DPYSL3: variants seen among roughly 807,000 people sequenced by gnomAD.
DPYSL3 encodes dihydropyrimidinase-related protein 3.
In DPYSL3, 16 loss-of-function variants were observed where a neutral mutation model predicts 66.1. That is an observed-to-expected ratio of 0.24 (90% CI 0.16 to 0.37). DPYSL3 has a LOEUF of 0.37. Among genes scored for constraint, DPYSL3 ranks in the 10% least tolerant of loss-of-function variants. DPYSL3 has a pLI of 1.00. For missense variants in DPYSL3, 738 were observed against 916.2 expected (o/e 0.81, Z 2.51); for synonymous variants, 338 against 345.1 (o/e 0.98, Z 0.23).
At chr5:147,453,752 C>G in intron 1 of DPYSL3, 1 of 1,317,086 alleles carries the variant, frequency 7.6e-7, no homozygotes, top group Non-Finnish European at 9.7e-7. Flanking sequence ...GCTCCCGCGG[C>G]GGCTGCCAGA....
intron 1 of DPYSL3, among the ~76,000 whole-genome samples, chr5:147,493,449 T>G (rs1036359838): frequency 1.3e-5 from 2 of 152,108 alleles, no homozygotes; most frequent in African/African-American, 4.8e-5. Context: ...GGTGCACACG[T>G]GTGGTCCCAT....
At chr5:147,474,504 T>C (rs757090819) in intron 1 of DPYSL3, among the ~76,000 whole-genome samples, 4 of 152,214 alleles carry the variant, frequency 2.6e-5, no homozygotes, top group Non-Finnish European at 2.9e-5. Flanking sequence ...AATGACAAGC[T>C]AATTAGTGAA....
chr5:147,424,618 G>T (rs1752160176), intron 2 of DPYSL3, among the ~76,000 whole-genome samples: 1 of 152,096 alleles, frequency 6.6e-6, no homozygotes, highest in Non-Finnish European at 1.5e-5. Context: ...ATTGCACAAA[G>T]CCTTATATTT....
intron 1 of DPYSL3, among the ~76,000 whole-genome samples, chr5:147,444,518 T>A (rs1362503795): frequency 6.6e-6 from 1 of 152,230 alleles, no homozygotes; most frequent in African/African-American, 2.4e-5. Context: ...GACACTCTTA[T>A]AACACACATA....
chr5:147,488,881 G>T (rs1753374370), intron 1 of DPYSL3, among the ~76,000 whole-genome samples: 1 of 151,938 alleles, frequency 6.6e-6, no homozygotes, highest in African/African-American at 2.4e-5. Flanking sequence ...CAGGTGTGGT[G>T]GTAGGCACCG....
At position 147,461,815 on chromosome 5, in the gene DPYSL3, C is replaced by T. The variant is rs1232985202; in HGVS notation, c.382-36852G>A. On this transcript the variant is annotated intron_variant, in intron 1 of 13. Transcript: ENST00000343218. ...ACCTAGCAGTCATTTTCACAGACTA[C>T]CATTTATTAATTGGAATAGACAAAT... is the stretch of plus-strand genomic sequence containing the variant. 2.0e-5 allele frequency among the ~76,000 whole-genome samples: 3 copies of T among 152,210 alleles called. No individual in the cohort carries two copies. The East Asian group carries it at 5.8e-4, about 29-fold the overall frequency.
At chr5:147,489,733 G>GA (rs1322857974) in intron 1 of DPYSL3, among the ~76,000 whole-genome samples, 3 of 143,066 alleles carry the variant, frequency 2.1e-5, no homozygotes, top group Non-Finnish European at 4.6e-5. Context: ...TTCCTTTTAT[G>GA]TTTTTTTTTT....
intron 2 of DPYSL3, 75 bp downstream of exon 2, chr5:147,424,799 TA>T: frequency 8.7e-7 from 1 of 1,149,980 alleles, no homozygotes; most frequent in Non-Finnish European, 1.3e-6. Flanking sequence ...TACATTCATG[TA>T]ATCCAACCTC....
At chr5:147,412,808 G>T in intron 5 of DPYSL3, 120 bp from the exon 6 acceptor site, 1 of 837,326 alleles carries the variant, frequency 1.2e-6, no homozygotes, top group South Asian at 1.5e-5. Context: ...AAGTCACTAG[G>T]GCAGAAATAT....
At chr5:147,413,773 T>G in intron 4 of DPYSL3, 116 bp from the exon 5 acceptor site, 1 of 795,928 alleles carries the variant, frequency 1.3e-6, no homozygotes, top group Non-Finnish European at 2.1e-6. Flanking sequence ...CCCGGGCTCC[T>G]GTCCAACATA....
rs372489046 is a variant in DPYSL3, at chr5:147,418,645, C to A, written c.471-14G>T. 1.5e-5 allele frequency: 24 copies of A among 1,553,154 alleles called. No individual in the cohort carries two copies. The Admixed American group carries it at 1.9e-4, about 12-fold the overall frequency. ...TCTCCAATTTGTCTGGTGAAACAAA[C>A]AAACAAAAAAATGATCAAACACTTG... is the stretch of plus-strand genomic sequence containing the variant. On this transcript the variant is annotated splice_polypyrimidine_tract_variant and intron_variant, in intron 2 of 13. Coordinates refer to ENST00000343218, the MANE Select transcript of DPYSL3 (RefSeq NM_001197294.2).
At chr5:147,502,376 TACACACACAC>T (rs10561693) in intron 1 of DPYSL3, among the ~76,000 whole-genome samples, 3 of 149,394 alleles carry the variant, frequency 2.0e-5, no homozygotes, top group African/African-American at 4.9e-5. Context: ...ATGTCACAGA[TACACACACAC>T]ACACACACAC....
At chr5:147,507,904 G>A (rs929516759) in intron 1 of DPYSL3, among the ~76,000 whole-genome samples, 2 of 152,108 alleles carry the variant, frequency 1.3e-5, no homozygotes, top group African/African-American at 4.8e-5. Context: ...TTCAGCAAAG[G>A]GAATAGCACT....
intron 10 of DPYSL3, among the ~76,000 whole-genome samples, chr5:147,400,049 A>T (rs186616598): frequency 6.6e-6 from 1 of 152,348 alleles, no homozygotes; most frequent in Non-Finnish European, 1.5e-5. Context: ...TAACTTTGAT[A>T]AGAATGTTTT....
At chr5:147,447,660 C>T (rs1441013515) in intron 1 of DPYSL3, among the ~76,000 whole-genome samples, 2 of 152,042 alleles carry the variant, frequency 1.3e-5, no homozygotes, top group African/African-American at 2.4e-5. Flanking sequence ...CACCTGAGGT[C>T]GGGAGTTCGA....
At chr5:147,470,104 G>A (rs1423866338) in intron 1 of DPYSL3, among the ~76,000 whole-genome samples, 2 of 152,168 alleles carry the variant, frequency 1.3e-5, no homozygotes, top group Non-Finnish European at 2.9e-5. Context: ...CAACTCAGGA[G>A]CAAGCTGAAG....
chr5:147,506,278 T>C (rs1269945824), intron 1 of DPYSL3, among the ~76,000 whole-genome samples: 1 of 151,624 alleles, frequency 6.6e-6, no homozygotes, highest in African/African-American at 2.4e-5. Flanking sequence ...TTTTTGGGGG[T>C]GGTTTGTTTT....
intron 1 of DPYSL3, among the ~76,000 whole-genome samples, chr5:147,463,737 T>G (rs186047451): frequency 8.5e-4 from 129 of 152,240 alleles, no homozygotes; most frequent in African/African-American, 3.0e-3. Context: ...CAGCTACTGG[T>G]GCTGTCAAAT....
chr5:147,427,576 G>T (rs1752220401), intron 1 of DPYSL3, among the ~76,000 whole-genome samples: 1 of 152,170 alleles, frequency 6.6e-6, no homozygotes, highest in Admixed American at 6.5e-5. Context: ...CTAGGTCTGT[G>T]CTTCCAAACT....
Sources: gnomAD v4.1 joint callset for allele counts (sites outside exome capture counted in the v4.1 genomes callset) on GRCh38, gnomAD v4.1.1 for gene constraint, MANE v1.5 for transcripts, NCBI Gene and HGNC (gene_info 2026-07-23, HGNC 2026-07-21) for gene names.